Variants in DLGAP2 observed in about 807,000 individuals in gnomAD.
The protein encoded by DLGAP2 is DLG associated protein 2, also known as disks large-associated protein 2.
In DLGAP2, 26 loss-of-function variants were observed where a neutral mutation model predicts 100.3. The observed-to-expected ratio is 0.26, with a 90% CI of 0.19 to 0.36. The LOEUF is 0.36. Ranked by LOEUF, DLGAP2 falls within the 10% of genes least tolerant of loss-of-function variation. The pLI, the probability that DLGAP2 is intolerant of heterozygous loss-of-function variation, is 1.00. For synonymous variants in DLGAP2, 886 were observed against 630.1 expected (o/e 1.41, Z -6.08); for missense variants, 1,858 against 1,453.2 (o/e 1.28, Z -4.53).
At chr8:1,547,862 C>T (rs1026316043) in intron 4 of DLGAP2, among the ~76,000 whole-genome samples, 7 of 152,204 alleles carry the variant, frequency 4.6e-5, no homozygotes, top group African/African-American at 1.2e-4. Flanking sequence ...CCTCACTGGC[C>T]TGTAAGGGTG....
At chr8:1,183,498 C>T (rs1797434481) in intron 2 of DLGAP2, among the ~76,000 whole-genome samples, 1 of 152,172 alleles carries the variant, frequency 6.6e-6, no homozygotes, top group African/African-American at 2.4e-5. Context: ...GGAAGGGTTC[C>T]AAGCCCTGGA....
At chr8:1,590,839 A>G (rs970630007) in intron 6 of DLGAP2, among the ~76,000 whole-genome samples, 1 of 152,108 alleles carries the variant, frequency 6.6e-6, no homozygotes, top group Non-Finnish European at 1.5e-5. Flanking sequence ...TGCATCCCTG[A>G]GCCCCACCCC....
intron 2 of DLGAP2, among the ~76,000 whole-genome samples, chr8:1,030,856 G>A (rs1801951222): frequency 6.6e-6 from 1 of 152,162 alleles, no homozygotes; most frequent in Non-Finnish European, 1.5e-5. Flanking sequence ...TCTCCTGGAG[G>A]AAAGAGACAA....
At chr8:1,118,560 C>G (rs1049715694) in intron 2 of DLGAP2, among the ~76,000 whole-genome samples, 4 of 152,166 alleles carry the variant, frequency 2.6e-5, no homozygotes, top group Non-Finnish European at 4.4e-5. Context: ...GCTGCTGCTG[C>G]TGCTGCTGCT....
chr8:1,329,961 A>G (rs925628425), intron 3 of DLGAP2, among the ~76,000 whole-genome samples: 2 of 152,078 alleles, frequency 1.3e-5, no homozygotes, highest in Non-Finnish European at 2.9e-5. Context: ...TCCCCATCCG[A>G]TTCACTTGCT....
intron 3 of DLGAP2, among the ~76,000 whole-genome samples, chr8:1,270,604 G>A (rs191652639): frequency 6.6e-6 from 1 of 152,062 alleles, no homozygotes; most frequent in Non-Finnish European, 1.5e-5. Context: ...TCTTAAGAAC[G>A]TAACTTCTCT....
intron 3 of DLGAP2, among the ~76,000 whole-genome samples, chr8:1,364,942 C>A (rs1329560142): frequency 6.6e-6 from 1 of 152,172 alleles, no homozygotes; most frequent in Non-Finnish European, 1.5e-5. Flanking sequence ...TCCCACCTTC[C>A]TCAGAGACTG....
intron 3 of DLGAP2, among the ~76,000 whole-genome samples, chr8:1,331,596 C>T (rs953178122): frequency 3.3e-5 from 5 of 152,196 alleles, no homozygotes; most frequent in Non-Finnish European, 7.3e-5. Flanking sequence ...TATAATCCGT[C>T]TTGTGTTTTT....
chr8:1,649,374 G>A (rs998994993), intron 8 of DLGAP2, among the ~76,000 whole-genome samples: 12 of 152,150 alleles, frequency 7.9e-5, no homozygotes, highest in South Asian at 2.1e-4. Context: ...CCAGTGTCTA[G>A]TCATTGCTAT....
intron 4 of DLGAP2, among the ~76,000 whole-genome samples, chr8:1,513,888 C>T (rs1800268481): frequency 6.6e-6 from 1 of 152,222 alleles, no homozygotes; most frequent in Non-Finnish European, 1.5e-5. Context: ...CCTTGCCTTC[C>T]TTCCCTCCTT....
At chr8:1,533,852 G>C (rs530198140) in intron 4 of DLGAP2, among the ~76,000 whole-genome samples, 1 of 152,148 alleles carries the variant, frequency 6.6e-6, no homozygotes, top group African/African-American at 2.4e-5. Flanking sequence ...AGCTCCTCAG[G>C]AGGCTGAGGT....
At chr8:1,552,576 G>A (rs994917792) in intron 5 of DLGAP2, among the ~76,000 whole-genome samples, 4 of 152,194 alleles carry the variant, frequency 2.6e-5, no homozygotes, top group African/African-American at 7.2e-5. Flanking sequence ...AAACTTTCTG[G>A]TGGAAAACTA....
intron 3 of DLGAP2, chr8:1,373,775 A>T (rs1310263994): frequency 6.6e-6 from 1 of 152,048 alleles, no homozygotes; most frequent in Non-Finnish European, 1.5e-5. Context: ...TCACACACAA[A>T]CGTAGCCTGC....
intron 2 of DLGAP2, among the ~76,000 whole-genome samples, chr8:1,201,724 C>A (rs553330721): frequency 9.2e-5 from 14 of 152,206 alleles, no homozygotes; most frequent in Non-Finnish European, 1.6e-4. Context: ...TGACCCAGAG[C>A]ACATTTCCCT....
intron 2 of DLGAP2, among the ~76,000 whole-genome samples, chr8:1,091,501 C>G (rs1804180513): frequency 6.6e-6 from 1 of 152,186 alleles, no homozygotes; most frequent in African/African-American, 2.4e-5. Context: ...ATCCAGATGG[C>G]TGGTATTTTG....
intron 1 of DLGAP2, among the ~76,000 whole-genome samples, chr8:815,584 A>T (rs938199327): frequency 6.6e-6 from 1 of 152,248 alleles, no homozygotes; most frequent in South Asian, 2.1e-4. Context: ...TGTGTCCAGG[A>T]TAACAGCAAA....
intron 2 of DLGAP2, among the ~76,000 whole-genome samples, chr8:1,030,833 G>A (rs1801950533): frequency 1.3e-5 from 2 of 152,278 alleles, no homozygotes; most frequent in African/African-American, 4.8e-5. Flanking sequence ...GGGGCCGCGG[G>A]CGGGACCTTC....
intron 2 of DLGAP2, among the ~76,000 whole-genome samples, chr8:919,035 G>T (rs926458918): frequency 1.3e-5 from 2 of 152,100 alleles, no homozygotes; most frequent in Admixed American, 1.3e-4. Context: ...CAAGTTCCTG[G>T]GCTCAAGTGA....
At chr8:896,905 A>G (rs1798153446) in intron 1 of DLGAP2, among the ~76,000 whole-genome samples, 1 of 152,168 alleles carries the variant, frequency 6.6e-6, no homozygotes, top group Non-Finnish European at 1.5e-5. Context: ...AAGAGTCTTC[A>G]TGGATGGTAC....
Sources: gnomAD v4.1 joint callset for allele counts (sites outside exome capture counted in the v4.1 genomes callset) on GRCh38, gnomAD v4.1.1 for gene constraint, MANE v1.5 for transcripts, NCBI Gene and HGNC (gene_info 2026-07-23, HGNC 2026-07-21) for gene names.